EPHB1: variants seen among roughly 807,000 people sequenced by gnomAD.
EPHB1 encodes ephrin type-B receptor 1.
EPHB1 carries 30 observed loss-of-function variants against 94.4 expected under a neutral mutation model. The observed-to-expected ratio is 0.32, with a 90% CI of 0.24 to 0.43. The LOEUF is 0.43. Ranked by LOEUF, EPHB1 falls within the 20% of genes least tolerant of loss-of-function variation. The probability of loss-of-function intolerance (pLI) is 1.00; values close to 1 mark genes in which losing one functional copy is unlikely to be tolerated. For synonymous variants in EPHB1, 522 were observed against 489.1 expected, an observed-to-expected ratio of 1.07 and a Z score of -0.89; for missense variants, 1,055 against 1,308.3, an observed-to-expected ratio of 0.81 and a Z score of 2.99.
At chr3:134,953,362 T>C (rs1345156376) in intron 3 of EPHB1, among the ~76,000 whole-genome samples, 1 of 152,246 alleles carries the variant, frequency 6.6e-6, no homozygotes, top group Non-Finnish European at 1.5e-5. Context: ...TGTGTCTTTA[T>C]TGGATTTCTT....
At chr3:135,153,434 A>G (rs988132904) in intron 5 of EPHB1, among the ~76,000 whole-genome samples, 1 of 152,184 alleles carries the variant, frequency 6.6e-6, no homozygotes, top group South Asian at 2.1e-4. Context: ...CCAAACAGAG[A>G]TTTCTGAATC....
At chr3:135,217,882 T>C (rs528678180) in intron 12 of EPHB1, among the ~76,000 whole-genome samples, 3 of 152,316 alleles carry the variant, frequency 2.0e-5, no homozygotes, top group South Asian at 2.1e-4. Flanking sequence ...ATCTGCCTGA[T>C]AGATTTTGGC....
intron 4 of EPHB1, among the ~76,000 whole-genome samples, chr3:135,110,812 T>G (rs546052404): frequency 1.3e-5 from 2 of 152,338 alleles, no homozygotes; most frequent in East Asian, 3.9e-4. Context: ...ATGTTTCATC[T>G]TTTAAGGTGC....
chr3:134,986,055 C>A (rs1368999896), intron 3 of EPHB1, among the ~76,000 whole-genome samples: 1 of 152,132 alleles, frequency 6.6e-6, no homozygotes, highest in Non-Finnish European at 1.5e-5. Context: ...GAATGAAACA[C>A]AAATAAGGAA....
chr3:134,838,352 C>T (rs1280801811), intron 1 of EPHB1, among the ~76,000 whole-genome samples: 2 of 152,176 alleles, frequency 1.3e-5, no homozygotes, highest in South Asian at 2.1e-4. Context: ...GTCAAAGTCT[C>T]ATGGTGTATT....
chr3:134,801,656 C>A lies in EPHB1; in HGVS notation c.58+5967C>A, dbSNP rs2035937602. On this transcript the variant is annotated intron_variant, in intron 1 of 15. Coordinates refer to ENST00000398015, the MANE Select transcript of EPHB1 (RefSeq NM_004441.5). ...GGAAATTACTGTAATAATAAAGTAA[C>A]ACCTTGGGAAAGATTTCATATTTAA... Among the ~76,000 whole-genome samples, 4 of 152,288 alleles carry A rather than the reference C, an allele frequency of 2.6e-5. No individual in the cohort carries two copies. The South Asian group carries it at 8.3e-4, about 32-fold the overall frequency.
intron 3 of EPHB1, among the ~76,000 whole-genome samples, chr3:135,026,694 C>T (rs1235959300): frequency 2.4e-3 from 297 of 126,274 alleles, no homozygotes; most frequent in African/African-American, 8.0e-3. Flanking sequence ...CTTGGCAATG[C>T]GGGCTCTTTT....
At chr3:134,835,781 G>A (rs569951131) in intron 1 of EPHB1, among the ~76,000 whole-genome samples, 40 of 152,230 alleles carry the variant, frequency 2.6e-4, no homozygotes, top group African/African-American at 8.2e-4. Flanking sequence ...AGCAGAAAAG[G>A]GGTGTCAAGA....
At chr3:135,107,327 T>A (rs138212244) in intron 4 of EPHB1, among the ~76,000 whole-genome samples, 1 of 152,334 alleles carries the variant, frequency 6.6e-6, no homozygotes, top group East Asian at 1.9e-4. Context: ...TGGATAGGGA[T>A]GTGAGAAGGG....
chr3:134,903,021 C>T (rs1427025082), intron 1 of EPHB1, among the ~76,000 whole-genome samples: 1 of 152,238 alleles, frequency 6.6e-6, no homozygotes, highest in Non-Finnish European at 1.5e-5. Flanking sequence ...GCCACCCTTC[C>T]GCAGGTTGCC....
chr3:134,807,200 G>T (rs1175840787), intron 1 of EPHB1, among the ~76,000 whole-genome samples: 2 of 152,168 alleles, frequency 1.3e-5, no homozygotes, highest in Non-Finnish European at 2.9e-5. Context: ...CGAACTGCCA[G>T]CACTGCCTAG....
rs183400270 is a variant in EPHB1 at position 135,097,229 on chromosome 3, C to G, written c.806-9219C>G. On this transcript the variant is annotated intron_variant, in intron 3 of 15. Coordinates refer to ENST00000398015, the MANE Select transcript of EPHB1 (RefSeq NM_004441.5). ...TCCATAGCACTGCTGACTTGGAGAC[C>G]AATTTGAGAACCTGGCCTAGATCAC... Among the ~76,000 whole-genome samples, 7 of 142,566 alleles carry G rather than the reference C, an allele frequency of 4.9e-5. No individual in the cohort carries two copies. In the East Asian group the frequency reaches 1.4e-3, roughly 29 times the overall value. 93.5% of individuals were successfully genotyped at this position (142,566 alleles called of 152,430 possible).
intron 6 of EPHB1, among the ~76,000 whole-genome samples, chr3:135,158,374 G>A (rs1269447409): frequency 6.6e-6 from 1 of 152,182 alleles, no homozygotes; most frequent in East Asian, 1.9e-4. Flanking sequence ...CGGGCCATAT[G>A]GTTTTTGCCC....
intron 4 of EPHB1, among the ~76,000 whole-genome samples, chr3:135,122,945 A>T (rs1940035412): frequency 1.3e-5 from 2 of 152,198 alleles, no homozygotes; most frequent in Admixed American, 6.5e-5. Context: ...CAACACGTGC[A>T]GACTCGCTTA....
chr3:135,124,855 C>T (rs1042472803), intron 4 of EPHB1, among the ~76,000 whole-genome samples: 1 of 151,620 alleles, frequency 6.6e-6, no homozygotes, highest in African/African-American at 2.4e-5. Context: ...AGATATCCTA[C>T]ACTTTGAGGA....
intron 1 of EPHB1, among the ~76,000 whole-genome samples, chr3:134,857,660 G>A (rs2037152586): frequency 1.3e-5 from 2 of 152,070 alleles, no homozygotes; most frequent in South Asian, 2.1e-4. Context: ...ACCATTCTGG[G>A]AGGCAGTGCT....
intron 12 of EPHB1, among the ~76,000 whole-genome samples, chr3:135,226,323 T>G (rs1244978607): frequency 6.6e-6 from 1 of 152,248 alleles, no homozygotes; most frequent in Non-Finnish European, 1.5e-5. Flanking sequence ...TCCCAGCAGC[T>G]GGCCTGGCTT....
At chr3:134,976,121 A>G (rs1034888846) in intron 3 of EPHB1, among the ~76,000 whole-genome samples, 1 of 152,180 alleles carries the variant, frequency 6.6e-6, no homozygotes, top group Non-Finnish European at 1.5e-5. Context: ...TCACCAGGTC[A>G]GATCCACACA....
At position 135,162,074 on chromosome 3, in the gene EPHB1, T is replaced by C. The variant is rs750538170; in HGVS notation, c.1479T>C (p.Ile493=). 7 of 1,613,538 alleles carry C rather than the reference T, an allele frequency of 4.3e-6. No homozygotes were observed. The highest frequency in any genetic ancestry group is 1.7e-5 in the Admixed American group (1 of 59,978). ...MARSQTNTAR[I]DGLRPGMVYV... ...GGAGTCAGACCAACACAGCAAGGAT[T>C]GATGGGCTGCGGCCTGGCATGGTAT... The change falls in exon 7 of 16, where the codon ATT becomes ATC. Residue 493 remains isoleucine (I), a synonymous_variant. Coordinates refer to ENST00000398015, the MANE Select transcript of EPHB1 (RefSeq NM_004441.5).
Sources: allele counts gnomAD v4.1 joint callset (sites outside exome capture counted in the v4.1 genomes callset), GRCh38; gene constraint gnomAD v4.1.1; transcripts MANE v1.5; gene names NCBI Gene and HGNC (gene_info 2026-07-23, HGNC 2026-07-21).